NPHP4: variants seen among roughly 807,000 people sequenced by gnomAD.
NPHP4 encodes nephrocystin 4.
Under a neutral mutation model 155.8 loss-of-function variants are expected in NPHP4, and 151 were observed. The ratio of observed to expected loss-of-function variants is 0.97; its 90% CI spans 0.85 to 1.11. NPHP4 has a LOEUF of 1.11. Ranked by LOEUF, NPHP4 falls within the 50% of genes least tolerant of loss-of-function variation. The pLI is 0.00. For synonymous variants in NPHP4, 845 were observed against 816.8 expected (o/e 1.03, Z -0.59); for missense variants, 1,956 against 1,925.7 (o/e 1.02, Z -0.29).
chr1:5,890,806 G>A lies in NPHP4; in HGVS notation c.2304+62C>T. Reference sequence around the variant, plus strand: ...CCTTCCAAGCAGACAGACGCTGGAAGCGTGACTCGTCCCATGAGGGACGCA... The same window carrying A: ...CCTTCCAAGCAGACAGACGCTGGAAACGTGACTCGTCCCATGAGGGACGCA... On this transcript the variant is annotated intron_variant, in intron 17 of 29. Coordinates refer to ENST00000378156, the MANE Select transcript of NPHP4 (RefSeq NM_015102.5). The surrounding 1 kb of genome is among the most constrained non-coding windows in gnomAD (Gnocchi z 4.9). 2 of 1,518,270 alleles carry A rather than the reference G, an allele frequency of 1.3e-6. No individual in the cohort carries two copies. Among genetic ancestry groups the A allele is most frequent in the Non-Finnish European group, 1.8e-6 (2 of 1,109,272 alleles). 94.0% of individuals were successfully genotyped at this position (1,518,270 alleles called of 1,614,324 possible).
chr1:5,900,855 AC>A (rs1386908395), intron 16 of NPHP4, among the ~76,000 whole-genome samples: 1 of 151,954 alleles, frequency 6.6e-6, no homozygotes, highest in Admixed American at 6.6e-5. Flanking sequence ...ACAAGGCAAA[AC>A]CCCATCTCTA....
rs1644202494 is a variant in NPHP4 at position 5,892,836 on chromosome 1, C to A, written c.2144-1808G>T. On this transcript the variant is annotated intron_variant, in intron 16 of 29. Coordinates refer to ENST00000378156, the MANE Select transcript of NPHP4 (RefSeq NM_015102.5). This position sits in a 1 kb window ranked among gnomAD's most constrained non-coding sequence, Gnocchi z 4.5. ...GCCTCCAACTGAACTAAGAAGACTC[C>A]CAGGGGCAGTGGCCCTGTCCTCCCC... Among the ~76,000 whole-genome samples the A allele has an allele frequency of 6.6e-6, 1 of 152,118 alleles. No homozygotes were observed. Among genetic ancestry groups the A allele is most frequent in the Non-Finnish European group, 1.5e-5 (1 of 68,004 alleles).
intron 25 of NPHP4, 71 bp downstream of exon 25, chr1:5,866,959 G>T: frequency 8.5e-7 from 1 of 1,170,454 alleles, no homozygotes; most frequent in Non-Finnish European, 1.3e-6. Context: ...CAGGATACCC[G>T]TGGGGAAGCC....
chr1:5,891,943 G>T (rs1487683043), intron 16 of NPHP4, among the ~76,000 whole-genome samples: 1 of 152,264 alleles, frequency 6.6e-6, no homozygotes, highest in African/African-American at 2.4e-5. Flanking sequence ...GGACCTAGGG[G>T]GAGCGAAGAG....
intron 8 of NPHP4, among the ~76,000 whole-genome samples, chr1:5,947,432 G>A (rs538985438): frequency 1.3e-5 from 2 of 152,304 alleles, no homozygotes; most frequent in South Asian, 4.1e-4. Flanking sequence ...TTAAGAGATG[G>A]GGGTCTCACT....
At chr1:5,891,478 C>G (rs113660982) in intron 16 of NPHP4, among the ~76,000 whole-genome samples, 2 of 152,230 alleles carry the variant, frequency 1.3e-5, no homozygotes, top group Non-Finnish European at 2.9e-5. Flanking sequence ...CAGCCCCTCT[C>G]CTGGCCCTAA....
At chr1:5,926,120 G>T (rs35760537) in intron 11 of NPHP4, among the ~76,000 whole-genome samples, 1 of 152,014 alleles carries the variant, frequency 6.6e-6, no homozygotes, top group African/African-American at 2.4e-5. Flanking sequence ...TTTCAGTGCC[G>T]TTTATAAAGA....
intron 11 of NPHP4, among the ~76,000 whole-genome samples, chr1:5,912,471 G>A (rs1193820492): frequency 1.3e-5 from 2 of 150,630 alleles, no homozygotes; most frequent in Non-Finnish European, 2.9e-5. Flanking sequence ...CCGGGAGGCG[G>A]AGCTTTCGGT....
At chr1:5,924,057 A>G (rs1433865545) in intron 11 of NPHP4, among the ~76,000 whole-genome samples, 2 of 152,234 alleles carry the variant, frequency 1.3e-5, no homozygotes, top group Admixed American at 1.3e-4. Context: ...ACAAGCCCAG[A>G]CGAACTTCTA....
Position 5,864,367 on chromosome 1 carries a change from G to A in NPHP4, c.3967C>T (p.Leu1323Phe). The change falls in exon 28 of 30, where the codon CTC (leucine) becomes TTC (phenylalanine). Residue 1323 changes from leucine to phenylalanine, a missense_variant. Coordinates refer to ENST00000378156, the MANE Select transcript of NPHP4 (RefSeq NM_015102.5). Reference sequence around the variant, plus strand: ...GAGATGAGCGGCTGGCGGCAGCAGAGGCACACGAGCCAGGAGGCCACCAGC... The same window carrying A: ...GAGATGAGCGGCTGGCGGCAGCAGAAGCACACGAGCCAGGAGGCCACCAGC... ...HQLVASWLVC[L>F]CCRQPLISKA... is the part of the protein sequence containing the mutation. 1 of 1,609,216 alleles carries A rather than the reference G, an allele frequency of 6.2e-7. No individual in the cohort carries two copies. The highest frequency in any genetic ancestry group is 8.5e-7 in the Non-Finnish European group (1 of 1,177,870).
intron 18 of NPHP4, among the ~76,000 whole-genome samples, chr1:5,885,345 C>T (rs376771333): frequency 1.0e-3 from 151 of 149,776 alleles, no homozygotes; most frequent in African/African-American, 3.6e-3. Flanking sequence ...AGCTCCCAGC[C>T]GAGCCCATCC....
At chr1:5,964,509 C>T (rs1650975586) in intron 5 of NPHP4, among the ~76,000 whole-genome samples, 1 of 152,142 alleles carries the variant, frequency 6.6e-6, no homozygotes, top group Non-Finnish European at 1.5e-5. Flanking sequence ...GAGAAGACCA[C>T]CGCGTGTTCT....
At chr1:5,911,428 G>A (rs535520345) in intron 11 of NPHP4, among the ~76,000 whole-genome samples, 11 of 152,318 alleles carry the variant, frequency 7.2e-5, no homozygotes, top group Non-Finnish European at 1.0e-4. Flanking sequence ...CAGAGACAGC[G>A]GGCACTCGGG....
At chr1:5,896,935 G>A (rs1419208208) in intron 16 of NPHP4, among the ~76,000 whole-genome samples, 1 of 152,202 alleles carries the variant, frequency 6.6e-6, no homozygotes. Context: ...CGATGAAGAT[G>A]CAGGAGACCG....
rs1644890770 is a variant in NPHP4 at position 5,905,832 on chromosome 1, G to GT, written c.1612-50dup. Reference sequence around the variant, plus strand: ...GTGAGGCCACCAAGGACCCCAACCCGTAACAACCAACGGTGCTCAGATCTA... The same window carrying GT: ...GTGAGGCCACCAAGGACCCCAACCCGTTAACAACCAACGGTGCTCAGATCTA... On this transcript the variant is annotated intron_variant, in intron 13 of 29. Transcript: ENST00000378156. The surrounding 1 kb of genome is among the most constrained non-coding windows in gnomAD (Gnocchi z 4.0). 3.2e-6 allele frequency: 5 copies of GT among 1,552,090 alleles called. No homozygotes were observed. The highest frequency in any genetic ancestry group is 4.4e-6 in the Non-Finnish European group (5 of 1,144,100).
rs1648098162 is a variant in NPHP4 at position 5,951,699 on chromosome 1, G to A, written c.810+1001C>T. On this transcript the variant is annotated intron_variant, in intron 7 of 29. Transcript: ENST00000378156. ...CAGTTCATCAGGCCCAATTTTTCTA[G>A]ACCAAGGACAGATTATCGCCTAGAA... 2.0e-5 allele frequency among the ~76,000 whole-genome samples: 3 copies of A among 152,194 alleles called. No individual in the cohort carries two copies. In the South Asian group the frequency reaches 6.2e-4, roughly 31 times the overall value.
rs559438544 is a variant in NPHP4, at chr1:5,976,972, T to C, written c.279+1298A>G. ...CCACTGTCACCGCCACTGTTACTCA[T>C]CATACAAACTGTCCCAATACCAGGC... On this transcript the variant is annotated intron_variant, in intron 3 of 29. Transcript: ENST00000378156. 3.9e-5 allele frequency among the ~76,000 whole-genome samples: 6 copies of C among 152,244 alleles called. No homozygotes were observed. In the East Asian group the frequency reaches 1.2e-3, roughly 29 times the overall value.
rs1647216040 is a variant in NPHP4, at chr1:5,948,150, A to G, written c.912T>C (p.Val304=). 6.2e-7 allele frequency: 1 copy of G among 1,613,526 alleles called. No individual in the cohort carries two copies. Among genetic ancestry groups the G allele is most frequent in the African/African-American group, 1.3e-5 (1 of 74,884 alleles). The change falls in exon 8 of 30, where the codon GTT becomes GTC. Residue 304 remains valine, a synonymous_variant. Transcript: ENST00000378156. ...CCACATCCATCTCAGGCACCAGTACAACGACCTGCGGCCTCTGCACGAAGC... is the reference window on the plus strand; with the variant it reads ...CCACATCCATCTCAGGCACCAGTACGACGACCTGCGGCCTCTGCACGAAGC... The part of the protein sequence containing the change: ...GLGFVQRPQV[V]VLVPEMDVAL...
intron 17 of NPHP4, among the ~76,000 whole-genome samples, chr1:5,888,076 C>A (rs1643913541): frequency 6.6e-6 from 1 of 152,024 alleles, no homozygotes; most frequent in East Asian, 1.9e-4. Flanking sequence ...CCATGGGGCA[C>A]GAGAGGCCCG....
Sources: allele counts gnomAD v4.1 joint callset (sites outside exome capture counted in the v4.1 genomes callset), GRCh38; gene constraint gnomAD v4.1.1; non-coding constraint Gnocchi (gnomAD v3.1); transcripts MANE v1.5; gene names NCBI Gene and HGNC (gene_info 2026-07-23, HGNC 2026-07-21).